SIPA1L3: variants seen among roughly 807,000 people sequenced by gnomAD.
SIPA1L3 encodes the protein signal induced proliferation associated 1 like 3.
Under a neutral mutation model 150.1 loss-of-function variants are expected in SIPA1L3, and 59 were observed. The observed-to-expected ratio is 0.39, with a 90% CI of 0.32 to 0.49. The LOEUF is 0.49. Among genes scored for constraint, SIPA1L3 ranks in the 20% least tolerant of loss-of-function variants. SIPA1L3 has a pLI of 0.86. For synonymous variants in SIPA1L3, 1,070 were observed against 1,077.6 expected (o/e 0.99, Z 0.14); for missense variants, 2,211 against 2,489.5 (o/e 0.89, Z 2.38).
chr19:37,927,443 C>T (rs1599802136), intron 1 of SIPA1L3, among the ~76,000 whole-genome samples: 1 of 152,056 alleles, frequency 6.6e-6, no homozygotes, highest in South Asian at 2.1e-4. Context: ...TGAGCCACTG[C>T]GCCTAGCCCC....
chr19:38,182,968 A>G lies in SIPA1L3; in HGVS notation c.4430+228A>G, dbSNP rs574124074. On this transcript the variant is annotated intron_variant, in intron 16 of 21. Coordinates refer to ENST00000222345, the MANE Select transcript of SIPA1L3 (RefSeq NM_015073.3). ...ATAAGTAGAATAAGAGAAGCACGCA[A>G]TAGGTCAATGGTGGTTATCCTTGTG... 3.2e-3 allele frequency: 1,649 copies of G among 518,768 alleles called. 1 individual carries two copies. Among genetic ancestry groups the G allele is most frequent in the Non-Finnish European group, 4.3e-3 (1,262 of 295,242 alleles). 32.1% of individuals were successfully genotyped at this position (518,768 alleles called of 1,614,324 possible). A position where few individuals can be genotyped will look rare whatever the true frequency, so the allele number is the denominator to read the frequency against.
chr19:38,062,714 G>A (rs80287595), intron 2 of SIPA1L3, among the ~76,000 whole-genome samples: 9 of 152,038 alleles, frequency 5.9e-5, no homozygotes, highest in African/African-American at 1.2e-4. Context: ...GCTGCCTCAC[G>A]GGCTCAAGCG....
chr19:38,048,268 C>A (rs934024855), intron 2 of SIPA1L3, among the ~76,000 whole-genome samples: 1 of 152,082 alleles, frequency 6.6e-6, no homozygotes, highest in African/African-American at 2.4e-5. Flanking sequence ...TTCTAGAAGC[C>A]CAGGGGTGGA....
chr19:37,994,859 C>T (rs1967594233), intron 1 of SIPA1L3, among the ~76,000 whole-genome samples: 1 of 152,178 alleles, frequency 6.6e-6, no homozygotes, highest in South Asian at 2.1e-4. Flanking sequence ...GTAGAGACGC[C>T]CCATTGCAAA....
Position 38,145,254 on chromosome 19 carries a change from G to A in SIPA1L3, c.3533+2544G>A, listed in dbSNP as rs139467107. ...TGCCAAAAAAAACATACAGGTGGCC[G>A]GGCACAGTGGTTCACGCCTGTAATC... On this transcript the variant is annotated intron_variant, in intron 12 of 21. Transcript: ENST00000222345. 4.1e-4 allele frequency among the ~76,000 whole-genome samples: 63 copies of A among 152,076 alleles called. 1 individual carries two copies. The highest frequency in any genetic ancestry group is 1.5e-3 in the African/African-American group (62 of 41,474).
At chr19:38,158,156 C>T (rs1971991525) in intron 13 of SIPA1L3, among the ~76,000 whole-genome samples, 1 of 152,008 alleles carries the variant, frequency 6.6e-6, no homozygotes, top group Non-Finnish European at 1.5e-5. Context: ...TCACTTGAAC[C>T]CGGGAGGTGG....
chr19:38,067,096 AGG>A (rs1969611529), intron 2 of SIPA1L3, among the ~76,000 whole-genome samples: 1 of 151,908 alleles, frequency 6.6e-6, no homozygotes, highest in Non-Finnish European at 1.5e-5. Context: ...AAAATTAGCC[AGG>A]TGTGCTGGCA....
chr19:38,023,749 G>A (rs1301260994), intron 1 of SIPA1L3, among the ~76,000 whole-genome samples: 1 of 152,226 alleles, frequency 6.6e-6, no homozygotes, highest in African/African-American at 2.4e-5. Context: ...GCACAGAAGA[G>A]AAAGGCCTGG....
At chr19:38,048,848 T>G (rs1969119862) in intron 2 of SIPA1L3, among the ~76,000 whole-genome samples, 1 of 152,062 alleles carries the variant, frequency 6.6e-6, no homozygotes, top group Non-Finnish European at 1.5e-5. Flanking sequence ...CCCAGCACTT[T>G]GGGAGGCTGA....
At chr19:37,926,436 G>A (rs2046504242) in intron 1 of SIPA1L3, among the ~76,000 whole-genome samples, 1 of 152,194 alleles carries the variant, frequency 6.6e-6, no homozygotes, top group Non-Finnish European at 1.5e-5. Context: ...CTCCCAGAGG[G>A]AGGGGCACCC....
intron 15 of SIPA1L3, among the ~76,000 whole-genome samples, chr19:38,180,545 T>C (rs1352320467): frequency 2.0e-5 from 3 of 150,764 alleles, no homozygotes; most frequent in Non-Finnish European, 4.4e-5. Context: ...TTCTTTTTTT[T>C]TTTTTTTTTG....
chr19:37,917,904 C>A (rs2046426389), intron 1 of SIPA1L3, among the ~76,000 whole-genome samples: 1 of 151,866 alleles, frequency 6.6e-6, no homozygotes. Context: ...ACATGGGTGG[C>A]TGAGGTGGGA....
At chr19:38,029,748 C>T (rs1009597912) in intron 2 of SIPA1L3, among the ~76,000 whole-genome samples, 2 of 151,678 alleles carry the variant, frequency 1.3e-5, no homozygotes, top group African/African-American at 4.8e-5. Flanking sequence ...ACTAGGCATG[C>T]GCCACCATGA....
intron 1 of SIPA1L3, among the ~76,000 whole-genome samples, chr19:37,926,446 C>T (rs144521723): frequency 8.5e-5 from 13 of 152,318 alleles, no homozygotes; most frequent in Admixed American, 2.6e-4. Context: ...GAGGGGCACC[C>T]GCGGACTCTT....
chr19:37,915,111 G>A (rs918962029), intron 1 of SIPA1L3, among the ~76,000 whole-genome samples: 1 of 152,130 alleles, frequency 6.6e-6, no homozygotes, highest in African/African-American at 2.4e-5. Context: ...GTACCTAATT[G>A]ATGTGGCAGC....
chr19:38,066,500 A>G (rs1229927983), intron 2 of SIPA1L3, among the ~76,000 whole-genome samples: 2 of 152,214 alleles, frequency 1.3e-5, no homozygotes, highest in Non-Finnish European at 1.5e-5. Context: ...TCAGAGAGAC[A>G]GATTTCTGGA....
rs201677788 is a variant in SIPA1L3, at chr19:38,182,136, C to A, written c.4209-383C>A. On this transcript the variant is annotated intron_variant, in intron 15 of 21. Coordinates refer to ENST00000222345, the MANE Select transcript of SIPA1L3 (RefSeq NM_015073.3). ...AGCCTGGGTGACTGAGACCCTGTCTCAAAAAAAAAAAAAGAAAGGTTAGGA... is the reference window on the plus strand; with the variant it reads ...AGCCTGGGTGACTGAGACCCTGTCTAAAAAAAAAAAAAAGAAAGGTTAGGA... Among the ~76,000 whole-genome samples the A allele has an allele frequency of 2.2e-3, 287 of 130,010 alleles. 1 individual carries two copies. The highest frequency in any genetic ancestry group is 3.4e-3 in the African/African-American group (102 of 30,400). The allele number at this position is 130,010 out of a possible 152,430, so 85.3% of individuals were successfully genotyped here.
chr19:38,058,292 C>A (rs749424836), intron 2 of SIPA1L3, among the ~76,000 whole-genome samples: 1 of 152,134 alleles, frequency 6.6e-6, no homozygotes, highest in East Asian at 1.9e-4. Context: ...ATAACTAGAG[C>A]CTTTCTAGAG....
At chr19:38,060,701 T>C (rs1969426937) in intron 2 of SIPA1L3, among the ~76,000 whole-genome samples, 1 of 152,080 alleles carries the variant, frequency 6.6e-6, no homozygotes, top group Non-Finnish European at 1.5e-5. Context: ...AGTGCTAACT[T>C]TTTTTTTGAG....
Sources: gnomAD v4.1 joint callset for allele counts (sites outside exome capture counted in the v4.1 genomes callset) on GRCh38, gnomAD v4.1.1 for gene constraint, MANE v1.5 for transcripts, NCBI Gene and HGNC (gene_info 2026-07-23, HGNC 2026-07-21) for gene names.